The following CNTN4 variants were observed in gnomAD, a reference collection of about 807,000 sequenced individuals.
CNTN4 encodes contactin-4.
Under a neutral mutation model 122.5 loss-of-function variants are expected in CNTN4, and 77 were observed. The observed-to-expected ratio is 0.63, with a 90% CI of 0.52 to 0.76. CNTN4 has a LOEUF of 0.76. Among genes scored for constraint, CNTN4 ranks in the 30% least tolerant of loss-of-function variants. The pLI, the probability that CNTN4 is intolerant of heterozygous loss-of-function variation, is 0.00. For synonymous variants in CNTN4, 512 were observed against 447.0 expected, an observed-to-expected ratio of 1.15 and a Z score of -1.83; for missense variants, 1,256 against 1,259.1, an observed-to-expected ratio of 1.00 and a Z score of 0.04.
At position 2,601,672 on chromosome 3, in the gene CNTN4, T is replaced by G. The variant is rs2081053519; in HGVS notation, c.55+30114T>G. 2.6e-5 allele frequency among the ~76,000 whole-genome samples: 4 copies of G among 152,194 alleles called. 1 individual carries two copies. The South Asian group carries it at 8.3e-4, about 31-fold the overall frequency. On this transcript the variant is annotated intron_variant, in intron 4 of 24. Coordinates refer to ENST00000418658, the MANE Select transcript of CNTN4 (RefSeq NM_175607.3). ...CCCGCTTTGTTCTTTTGGCTTAGGA[T>G]TGCCTTGGCAATGCGGGCTCTATTT...
intron 23 of CNTN4, among the ~76,000 whole-genome samples, chr3:3,049,344 A>G (rs1408645192): frequency 1.3e-5 from 2 of 152,158 alleles, no homozygotes; most frequent in Non-Finnish European, 2.9e-5. Context: ...CAGCCTCCCA[A>G]AGTGCTGGGA....
intron 13 of CNTN4, among the ~76,000 whole-genome samples, chr3:2,952,132 T>C (rs2094752097): frequency 6.6e-6 from 1 of 152,178 alleles, no homozygotes; most frequent in African/African-American, 2.4e-5. Flanking sequence ...AAGGCAGAAA[T>C]ACTTAGAAAA....
At chr3:2,512,613 G>T (rs9858503) in intron 3 of CNTN4, among the ~76,000 whole-genome samples, 50,046 of 151,992 alleles carry the variant, frequency 0.33, 9,198 homozygotes, top group African/African-American at 0.49. Context: ...AATCACACCT[G>T]TCTTTTTTTA....
At chr3:2,705,639 TTA>T (rs1158398747) in intron 4 of CNTN4, among the ~76,000 whole-genome samples, 5 of 74,006 alleles carry the variant, frequency 6.8e-5, no homozygotes, top group Non-Finnish European at 1.1e-4. Context: ...AATATATATA[TTA>T]TATATAAAAA....
chr3:2,677,137 A>G (rs2084894950), intron 4 of CNTN4, among the ~76,000 whole-genome samples: 1 of 136,302 alleles, frequency 7.3e-6, no homozygotes, highest in Non-Finnish European at 1.7e-5. Context: ...TTTTAGATAG[A>G]TAGATAGATA....
At chr3:2,145,610 T>G (rs537013759) in intron 2 of CNTN4, among the ~76,000 whole-genome samples, 14 of 152,332 alleles carry the variant, frequency 9.2e-5, no homozygotes, top group African/African-American at 2.9e-4. Context: ...AACTTTAGCT[T>G]TTATGATTCC....
chr3:2,597,623 C>G (rs1292821337), intron 4 of CNTN4, among the ~76,000 whole-genome samples: 1 of 152,128 alleles, frequency 6.6e-6, no homozygotes, highest in Non-Finnish European at 1.5e-5. Flanking sequence ...GCATAAAAGA[C>G]AGCACCTGAG....
intron 4 of CNTN4, among the ~76,000 whole-genome samples, chr3:2,655,546 G>A (rs541635643): frequency 1.3e-5 from 2 of 152,166 alleles, no homozygotes; most frequent in African/African-American, 4.8e-5. Context: ...TTCCTGCTCT[G>A]CCTGTATTCT....
chr3:2,298,045 A>C (rs1026235267), intron 2 of CNTN4, among the ~76,000 whole-genome samples: 1 of 152,166 alleles, frequency 6.6e-6, no homozygotes, highest in African/African-American at 2.4e-5. Flanking sequence ...TGTTATGTTA[A>C]GTGAAGAATA....
chr3:2,935,117 C>G (rs913542087), intron 13 of CNTN4, among the ~76,000 whole-genome samples: 4 of 152,142 alleles, frequency 2.6e-5, no homozygotes, highest in African/African-American at 9.7e-5. Context: ...CAGCCAAAGC[C>G]TTTTCTATGT....
chr3:2,683,354 G>T (rs1027915048), intron 4 of CNTN4, among the ~76,000 whole-genome samples: 2 of 150,472 alleles, frequency 1.3e-5, no homozygotes, highest in South Asian at 4.2e-4. Flanking sequence ...ACACACACAC[G>T]CAGGTGGATA....
At chr3:2,726,039 C>T (rs1216926671) in intron 4 of CNTN4, among the ~76,000 whole-genome samples, 15 of 152,138 alleles carry the variant, frequency 9.9e-5, no homozygotes, top group Admixed American at 8.5e-4. Context: ...TTGCTTGGGA[C>T]GGAACTTGTT....
rs1403949469 is a variant in CNTN4 at position 2,256,007 on chromosome 3, T to A, written c.-144-83171T>A. ...AAAAATCAATGAATCCAGGAGCTGG[T>A]TTTTTGAAAAGATTAGCAAAATAGA... On this transcript the variant is annotated intron_variant, in intron 2 of 24. Transcript: ENST00000418658. Among the ~76,000 whole-genome samples, 3 of 152,150 alleles carry A rather than the reference T, an allele frequency of 2.0e-5. No individual in the cohort carries two copies. In the East Asian group the frequency reaches 5.8e-4, roughly 30 times the overall value.
intron 3 of CNTN4, among the ~76,000 whole-genome samples, chr3:2,545,856 A>G (rs1378996191): frequency 6.6e-6 from 1 of 152,018 alleles, no homozygotes; most frequent in Non-Finnish European, 1.5e-5. Flanking sequence ...TTCCAAGGAC[A>G]TGAACAGACA....
At chr3:2,123,741 A>G (rs528459153) in intron 2 of CNTN4, among the ~76,000 whole-genome samples, 3 of 152,330 alleles carry the variant, frequency 2.0e-5, no homozygotes, top group African/African-American at 7.2e-5. Flanking sequence ...GGACTAAGAA[A>G]TGATCGTTAG....
chr3:2,179,512 AC>A (rs2036913859), intron 2 of CNTN4, among the ~76,000 whole-genome samples: 1 of 151,890 alleles, frequency 6.6e-6, no homozygotes, highest in South Asian at 2.1e-4. Context: ...AAAAAATATT[AC>A]CCTATTAAGA....
chr3:2,895,876 T>C (rs544990983), intron 10 of CNTN4, among the ~76,000 whole-genome samples: 2 of 152,008 alleles, frequency 1.3e-5, no homozygotes, highest in Non-Finnish European at 1.5e-5. Flanking sequence ...CTACTAAAAA[T>C]ACAAAAATTA....
chr3:2,129,934 A>G (rs2034372187), intron 2 of CNTN4, among the ~76,000 whole-genome samples: 1 of 152,028 alleles, frequency 6.6e-6, no homozygotes, highest in African/African-American at 2.4e-5. Flanking sequence ...GGTTTTCAAA[A>G]CTGGCATTGT....
intron 4 of CNTN4, among the ~76,000 whole-genome samples, chr3:2,632,484 G>A (rs2082487064): frequency 6.6e-6 from 1 of 152,138 alleles, no homozygotes; most frequent in Non-Finnish European, 1.5e-5. Context: ...CACTCAACAT[G>A]ACATTGAGAG....
Sources: allele counts gnomAD v4.1 joint callset (sites outside exome capture counted in the v4.1 genomes callset), GRCh38; gene constraint gnomAD v4.1.1; transcripts MANE v1.5; gene names NCBI Gene and HGNC (gene_info 2026-07-23, HGNC 2026-07-21).